UBE2R2: variants seen among roughly 807,000 people sequenced by gnomAD.
UBE2R2 encodes the protein ubiquitin-conjugating enzyme E2 R2.
In UBE2R2, 1 loss-of-function variant was observed where a neutral mutation model predicts 27.8. The observed-to-expected ratio is 0.04, with a 90% CI of 0.01 to 0.17. The LOEUF (loss-of-function observed/expected upper bound fraction) is 0.17. UBE2R2 is among the 10% of genes least tolerant of loss of function. The probability of loss-of-function intolerance (pLI) is 1.00; values close to 1 mark genes in which losing one functional copy is unlikely to be tolerated. For missense variants in UBE2R2, 100 were observed against 291.0 expected, an observed-to-expected ratio of 0.34 and a Z score of 4.78; for synonymous variants, 106 against 113.3, an observed-to-expected ratio of 0.94 and a Z score of 0.41.
At chr9:33,907,477 G>A (rs938504773) in intron 3 of UBE2R2, among the ~76,000 whole-genome samples, 1 of 152,082 alleles carries the variant, frequency 6.6e-6, no homozygotes, top group African/African-American at 2.4e-5. Flanking sequence ...AGAACTCTCT[G>A]GCCCTCATTC....
chr9:33,847,802 G>T (rs1214536877), intron 1 of UBE2R2, among the ~76,000 whole-genome samples: 1 of 147,516 alleles, frequency 6.8e-6, no homozygotes, highest in Non-Finnish European at 1.5e-5. Flanking sequence ...GCCCAGGCTG[G>T]AGTGCAATGA....
At chr9:33,831,646 T>A (rs1563982013) in intron 1 of UBE2R2, among the ~76,000 whole-genome samples, 4 of 151,810 alleles carry the variant, frequency 2.6e-5, no homozygotes, top group Middle Eastern at 6.8e-3. Context: ...CGAACTCTTA[T>A]TTTATTTATT....
chr9:33,888,755 A>G (rs2250083), intron 2 of UBE2R2, among the ~76,000 whole-genome samples: 61,657 of 152,034 alleles, frequency 0.41, 12,836 homozygotes, highest in African/African-American at 0.48. Flanking sequence ...GACCCCAAGT[A>G]ATCCACCTGC....
At chr9:33,878,968 T>C (rs1821673913) in intron 1 of UBE2R2, among the ~76,000 whole-genome samples, 1 of 152,092 alleles carries the variant, frequency 6.6e-6, no homozygotes, top group Non-Finnish European at 1.5e-5. Flanking sequence ...TCCTTTCCCC[T>C]AATTAGGACT....
rs369597887 is a variant in UBE2R2 at position 33,817,868 on chromosome 9, C to T, written c.111C>T (p.Asp37=). The change falls in exon 1 of 5, where the codon GAC becomes GAT. Residue 37 remains aspartate, a synonymous_variant. Coordinates refer to ENST00000263228, the MANE Select transcript of UBE2R2 (RefSeq NM_017811.4). ...GFRITLVDES[D]LYNWEVAIFG... ...GGATCACCCTGGTGGACGAGTCCGACCTCTACAACTGGGAGGTGGCCATCT... is the reference window on the plus strand; with the variant it reads ...GGATCACCCTGGTGGACGAGTCCGATCTCTACAACTGGGAGGTGGCCATCT... 9.3e-6 allele frequency: 15 copies of T among 1,611,328 alleles called. No homozygotes were observed. In the African/African-American group the frequency reaches 1.6e-4, roughly 17 times the overall value.
In UBE2R2 at chr9:33,911,416, A is replaced by AAAG. The variant is rs1342661716; in HGVS notation, c.363-546_363-545insGAA. On this transcript the variant is annotated intron_variant, in intron 3 of 4. Transcript: ENST00000263228. ...AAACTCCATCTCAAAAAAAAAAAAA[A>AAAG]AAAAAAAAAAAAAAAAAAACCTGGT... Among the ~76,000 whole-genome samples the AAAG allele has an allele frequency of 9.5e-5, 14 of 147,674 alleles. No individual in the cohort carries two copies. In the East Asian group the frequency reaches 2.7e-3, roughly 29 times the overall value.
intron 1 of UBE2R2, among the ~76,000 whole-genome samples, chr9:33,865,201 T>A (rs556351179): frequency 7.9e-5 from 12 of 151,350 alleles, no homozygotes; most frequent in Non-Finnish European, 1.6e-4. Flanking sequence ...TCTCTATCTA[T>A]CTATCTATCT....
intron 1 of UBE2R2, among the ~76,000 whole-genome samples, chr9:33,869,606 C>T (rs964055853): frequency 4.6e-5 from 7 of 151,776 alleles, no homozygotes; most frequent in Non-Finnish European, 7.4e-5. Flanking sequence ...CCCACCACCA[C>T]ACCCGGCTAA....
chr9:33,827,367 A>G (rs1417907602), intron 1 of UBE2R2, among the ~76,000 whole-genome samples: 1 of 152,054 alleles, frequency 6.6e-6, no homozygotes, highest in Non-Finnish European at 1.5e-5. Context: ...TAGGCTGGGC[A>G]CCGTGGCTCA....
intron 1 of UBE2R2, among the ~76,000 whole-genome samples, chr9:33,826,350 C>T (rs1269674021): frequency 6.6e-6 from 1 of 152,100 alleles, no homozygotes; most frequent in Non-Finnish European, 1.5e-5. Context: ...TTTGATGTTA[C>T]TTAAATGATC....
rs1822679583 is a variant in UBE2R2, at chr9:33,917,555, CG to C, written c.*319del. On this transcript the variant is annotated 3_prime_UTR_variant, in exon 5 of 5. Coordinates refer to ENST00000263228, the MANE Select transcript of UBE2R2 (RefSeq NM_017811.4). ...TCTACAGAATGTTCACAGCAAAACA[CG>C]TTTGGTCTGTTTTTAGATTCTTGAA... 2 of 493,062 alleles carry C rather than the reference CG, an allele frequency of 4.1e-6. No individual in the cohort carries two copies. Among genetic ancestry groups the C allele is most frequent in the East Asian group, 3.2e-5 (1 of 31,512 alleles). The allele number at this position is 493,062 out of a possible 1,614,324, so 30.5% of individuals were successfully genotyped here.
At chr9:33,858,063 C>T (rs189838841) in intron 1 of UBE2R2, among the ~76,000 whole-genome samples, 2 of 152,226 alleles carry the variant, frequency 1.3e-5, no homozygotes, top group East Asian at 1.9e-4. Flanking sequence ...ACAGAATAAT[C>T]GCATATAATA....
chr9:33,852,949 A>G (rs1259650246), intron 1 of UBE2R2, among the ~76,000 whole-genome samples: 1 of 152,184 alleles, frequency 6.6e-6, no homozygotes, highest in Non-Finnish European at 1.5e-5. Context: ...CGGAGGTTGC[A>G]GTGAGCTGAG....
In UBE2R2 at chr9:33,887,825, C is replaced by T. The variant is rs909005135; in HGVS notation, c.264+858C>T. ...CCGAGTAGCTGGGATTACAGGCATG[C>T]GCCACCATGCCCAGCTAATTTTTGT... On this transcript the variant is annotated intron_variant, in intron 2 of 4. Coordinates refer to ENST00000263228, the MANE Select transcript of UBE2R2 (RefSeq NM_017811.4). 1.2e-4 allele frequency among the ~76,000 whole-genome samples: 19 copies of T among 152,198 alleles called. 2 individuals carry two copies. In the South Asian group the frequency reaches 3.9e-3, roughly 32 times the overall value.
chr9:33,847,088 A>T (rs1484989784), intron 1 of UBE2R2, among the ~76,000 whole-genome samples: 1 of 83,118 alleles, frequency 1.2e-5, no homozygotes, highest in Admixed American at 1.4e-4. Flanking sequence ...TTTTCATTTT[A>T]TTGTTTTCTG....
chr9:33,845,778 C>T (rs543755395), intron 1 of UBE2R2, among the ~76,000 whole-genome samples: 149 of 151,732 alleles, frequency 9.8e-4, no homozygotes, highest in Non-Finnish European at 1.8e-3. Flanking sequence ...GAGGCTGAGT[C>T]GGGCAGATCA....
Position 33,877,823 on chromosome 9 carries a change from G to GTCTGTCTCTCTCTCTCTC in UBE2R2, c.178-9055_178-9054insGTCTCTCTCTCTCTCTCT. 7.2e-3 allele frequency among the ~76,000 whole-genome samples: 950 copies of GTCTGTCTCTCTCTCTCTC among 131,056 alleles called. 26 individuals carry two copies. The highest frequency in any genetic ancestry group is 0.023 in the African/African-American group (707 of 30,302). The allele number at this position is 131,056 out of a possible 152,430, so 86.0% of individuals were successfully genotyped here. A position where few individuals can be genotyped will look rare whatever the true frequency, so the allele number is the denominator to read the frequency against. On this transcript the variant is annotated intron_variant, in intron 1 of 4. Coordinates refer to ENST00000263228, the MANE Select transcript of UBE2R2 (RefSeq NM_017811.4). The stretch of plus-strand genomic sequence containing the variant: ...TCTCTGTCTGTCTGTCTGTCTGTCT[G>GTCTGTCTCTCTCTCTCTC]TCTCTCTCTCTCTCTCTCTCTCTCT...
In UBE2R2 at chr9:33,819,912, C is replaced by T. The variant is rs1163401097; in HGVS notation, c.177+1978C>T. Among the ~76,000 whole-genome samples, 5 of 152,238 alleles carry T rather than the reference C, an allele frequency of 3.3e-5. No individual in the cohort carries two copies. In the South Asian group the frequency reaches 8.3e-4, roughly 25 times the overall value. On this transcript the variant is annotated intron_variant, in intron 1 of 4. Coordinates refer to ENST00000263228, the MANE Select transcript of UBE2R2 (RefSeq NM_017811.4). ...TCTGCCTCCCAAAGTGCTGGGATTA[C>T]AGGCGTGAGCCACTGCGCCCGGCCA...
At chr9:33,888,658 A>T (rs1821916711) in intron 2 of UBE2R2, among the ~76,000 whole-genome samples, 1 of 152,206 alleles carries the variant, frequency 6.6e-6, no homozygotes, top group Admixed American at 6.5e-5. Context: ...CTGGGACTAC[A>T]GGTGTGCACG....
Sources: allele counts gnomAD v4.1 joint callset (sites outside exome capture counted in the v4.1 genomes callset), GRCh38; gene constraint gnomAD v4.1.1; transcripts MANE v1.5; gene names NCBI Gene and HGNC (gene_info 2026-07-23, HGNC 2026-07-21).